Variants in KIF13A observed in about 807,000 individuals in gnomAD.
KIF13A encodes kinesin family member 13A.
Under a neutral mutation model 212.2 loss-of-function variants are expected in KIF13A, and 79 were observed. That is an observed-to-expected ratio of 0.37 (90% confidence interval 0.31 to 0.45). The LOEUF (loss-of-function observed/expected upper bound fraction) is 0.45. Among genes scored for constraint, KIF13A ranks in the 20% least tolerant of loss-of-function variants. The pLI is 1.00. For missense variants in KIF13A, 1,901 were observed against 2,209.0 expected, an observed-to-expected ratio of 0.86 and a Z score of 2.79; for synonymous variants, 789 against 808.6, an observed-to-expected ratio of 0.98 and a Z score of 0.41.
Position 17,839,834 on chromosome 6 carries a change from G to T in KIF13A, c.831-2251C>A, listed in dbSNP as rs1311854752. Among the ~76,000 whole-genome samples, 2 of 152,162 alleles carry T rather than the reference G, an allele frequency of 1.3e-5. No homozygotes were observed. Among genetic ancestry groups the T allele is most frequent in the Non-Finnish European group, 2.9e-5 (2 of 68,030 alleles). ...CCTACAGAAACAAGGGGAGAGGCAT[G>T]GAACAGATTCTCCCTCTGACCTGCT... On this transcript the variant is annotated intron_variant, in intron 9 of 38. Coordinates refer to ENST00000259711, the MANE Select transcript of KIF13A (RefSeq NM_022113.6). This position sits in a 1 kb window ranked among gnomAD's most constrained non-coding sequence, Gnocchi z 4.3.
At chr6:17,863,851 C>T (rs966276145) in intron 4 of KIF13A, among the ~76,000 whole-genome samples, 2 of 151,968 alleles carry the variant, frequency 1.3e-5, no homozygotes, top group African/African-American at 2.4e-5. Context: ...CACAACAGTC[C>T]CTTTTCTCAG....
At position 17,977,406 on chromosome 6, in the gene KIF13A, C is replaced by T. The variant is rs1780665093; in HGVS notation, c.146+9648G>A. 2.0e-5 allele frequency among the ~76,000 whole-genome samples: 3 copies of T among 152,298 alleles called. No individual in the cohort carries two copies. The South Asian group carries it at 6.2e-4, about 32-fold the overall frequency. Reference sequence around the variant, plus strand: ...TGCTGGCAATCATGAGAAGAAATGCCTTTCAACTAGTAAGCCAAGGGCACT... The same window carrying T: ...TGCTGGCAATCATGAGAAGAAATGCTTTTCAACTAGTAAGCCAAGGGCACT... On this transcript the variant is annotated intron_variant, in intron 2 of 38. Coordinates refer to ENST00000259711, the MANE Select transcript of KIF13A (RefSeq NM_022113.6).
At chr6:17,774,077 G>A (rs1759726201) in intron 35 of KIF13A, among the ~76,000 whole-genome samples, 1 of 152,194 alleles carries the variant, frequency 6.6e-6, no homozygotes, top group African/African-American at 2.4e-5. Flanking sequence ...GAGGCATAAA[G>A]TATTGGTATA....
At position 17,817,111 on chromosome 6, in the gene KIF13A, G is replaced by A. The variant is rs749059679; in HGVS notation, c.1909C>T (p.Pro637Ser). 1.2e-6 allele frequency: 2 copies of A among 1,614,002 alleles called. No individual in the cohort carries two copies. The highest frequency in any genetic ancestry group is 2.2e-5 in the East Asian group (1 of 44,880). Reference protein sequence around the residue: ...ELEQLRQQLSPDRQPQSSGPD... With the variant: ...ELEQLRQQLSSDRQPQSSGPD... ...CCGCTACTCTGTGGCTGCCTGTCGGGGGAGAGCTGCTGGCGGAGTTGCTCC... is the reference window on the plus strand; with the variant it reads ...CCGCTACTCTGTGGCTGCCTGTCGGAGGAGAGCTGCTGGCGGAGTTGCTCC... Residue 637 changes from proline (P) to serine (S), a missense_variant, in exon 17 of 39, where the codon CCC becomes TCC. Pro to Ser is a moderately conservative substitution (Grantham distance 74). This residue lies in a region of KIF13A where 534 missense variants were observed against 536.9 expected (regional missense o/e 0.99). Coordinates refer to ENST00000259711, the MANE Select transcript of KIF13A (RefSeq NM_022113.6).
chr6:17,951,485 A>G lies in KIF13A; in HGVS notation c.146+35569T>C, dbSNP rs1777842527. ...TAAGATATAATTTATATACCATACA[A>G]TTTACCCACTAAAAGTGTCCAATTC... On this transcript the variant is annotated intron_variant, in intron 2 of 38. Coordinates refer to ENST00000259711, the MANE Select transcript of KIF13A (RefSeq NM_022113.6). The surrounding 1 kb of genome is among the most constrained non-coding windows in gnomAD (Gnocchi z 4.9). The G allele has an allele frequency of 2.1e-6, 1 of 476,246 alleles. No homozygotes were observed. Among genetic ancestry groups the G allele is most frequent in the Non-Finnish European group, 3.8e-6 (1 of 266,522 alleles). The allele number at this position is 476,246 out of a possible 1,614,324, so 29.5% of individuals were successfully genotyped here.
intron 3 of KIF13A, among the ~76,000 whole-genome samples, chr6:17,885,256 G>A (rs1441571903): frequency 6.6e-6 from 1 of 152,172 alleles, no homozygotes; most frequent in East Asian, 1.9e-4. Context: ...CTGCCAGGAG[G>A]AACTCCAGCA....
chr6:17,826,146 T>TA lies in KIF13A; in HGVS notation c.1533-23dup. On this transcript the variant is annotated intron_variant, in intron 14 of 38. Transcript: ENST00000259711. This position sits in a 1 kb window ranked among gnomAD's most constrained non-coding sequence, Gnocchi z 4.7. ...GGACCTGGGAGAACACGAGGGAAAATACCAGGTAAATGGGAAGGAGCACAA... is the reference window on the plus strand; with the variant it reads ...GGACCTGGGAGAACACGAGGGAAAATAACCAGGTAAATGGGAAGGAGCACAA... 6.3e-7 allele frequency: 1 copy of TA among 1,595,398 alleles called. No homozygotes were observed. The highest frequency in any genetic ancestry group is 8.6e-7 in the Non-Finnish European group (1 of 1,163,748).
At position 17,980,140 on chromosome 6, in the gene KIF13A, G is replaced by C. The variant is rs572658955; in HGVS notation, c.146+6914C>G. 1.5e-4 allele frequency among the ~76,000 whole-genome samples: 23 copies of C among 152,098 alleles called. No homozygotes were observed. In the South Asian group the frequency reaches 4.6e-3, roughly 30 times the overall value. Reference sequence around the variant, plus strand: ...AAAAAACTTCTAACAGATTCCAGAGGGGAATAAACTAGGTCACGTCCAAAG... The same window carrying C: ...AAAAAACTTCTAACAGATTCCAGAGCGGAATAAACTAGGTCACGTCCAAAG... On this transcript the variant is annotated intron_variant, in intron 2 of 38. Coordinates refer to ENST00000259711, the MANE Select transcript of KIF13A (RefSeq NM_022113.6).
Position 17,785,717 on chromosome 6 carries a change from A to G in KIF13A, c.3362-76T>C, listed in dbSNP as rs4716186. ...TCTCAGTTTACAAGGAATAGATTTC[A>G]GCCTGGGCAACATAGTGAGACCCCA... is the stretch of plus-strand genomic sequence containing the variant. On this transcript the variant is annotated intron_variant, in intron 27 of 38. Transcript: ENST00000259711. The surrounding 1 kb of genome is among the most constrained non-coding windows in gnomAD (Gnocchi z 5.8). 1 allele frequency: 1,515,449 copies of G among 1,520,300 alleles called. 755,424 individuals are homozygous for G. Among genetic ancestry groups the G allele is most frequent in the East Asian group, 1 (40,928 of 40,930 alleles). The allele number at this position is 1,520,300 out of a possible 1,614,324, so 94.2% of individuals were successfully genotyped here. A position where few individuals can be genotyped will look rare whatever the true frequency, so the allele number is the denominator to read the frequency against.
chr6:17,949,583 C>T (rs1561794303), intron 2 of KIF13A, among the ~76,000 whole-genome samples: 1 of 152,068 alleles, frequency 6.6e-6, no homozygotes, highest in Non-Finnish European at 1.5e-5. Context: ...TACTTCTAAA[C>T]AACATCACAA....
In KIF13A at chr6:17,862,640, C is replaced by T. The variant is rs1037553399; in HGVS notation, c.221-6518G>A. The stretch of plus-strand genomic sequence containing the variant: ...CAAAATAGTGAGACCCCTATCTCTA[C>T]AAAAAATAAAAAATTAGCCAGGTAT... On this transcript the variant is annotated intron_variant, in intron 4 of 38. Coordinates refer to ENST00000259711, the MANE Select transcript of KIF13A (RefSeq NM_022113.6). 2.0e-5 allele frequency among the ~76,000 whole-genome samples: 3 copies of T among 151,812 alleles called. No homozygotes were observed. The East Asian group carries it at 5.8e-4, about 29-fold the overall frequency.
intron 31 of KIF13A, 125 bp from the exon 32 acceptor site, chr6:17,779,809 G>T: frequency 2.2e-6 from 1 of 460,286 alleles, no homozygotes; most frequent in South Asian, 1.9e-5. Flanking sequence ...GCGCGATCTC[G>T]GCTCACTGCA....
intron 18 of KIF13A, among the ~76,000 whole-genome samples, chr6:17,807,986 T>C (rs1433955816): frequency 3.9e-5 from 6 of 152,224 alleles, no homozygotes; most frequent in Non-Finnish European, 8.8e-5. Flanking sequence ...GAAAAATTCT[T>C]CAAGGTGAAA....
intron 18 of KIF13A, 144 bp downstream of exon 18, chr6:17,808,624 T>A (rs1362182043): frequency 1.4e-6 from 1 of 691,834 alleles, no homozygotes; most frequent in Non-Finnish European, 2.3e-6. Flanking sequence ...CAATGAGGTA[T>A]ATAAAGAATG....
intron 2 of KIF13A, among the ~76,000 whole-genome samples, chr6:17,975,397 G>A (rs758048179): frequency 1.3e-5 from 2 of 152,076 alleles, no homozygotes; most frequent in South Asian, 2.1e-4. Context: ...TTAAGTTGGC[G>A]CGTCTGGAGT....
intron 2 of KIF13A, among the ~76,000 whole-genome samples, chr6:17,924,941 T>C (rs1165490111): frequency 6.6e-6 from 1 of 152,180 alleles, no homozygotes; most frequent in Non-Finnish European, 1.5e-5. Flanking sequence ...CCACACCATA[T>C]GATGGGCAAT....
chr6:17,761,500 C>T (rs1245969976), downstream of KIF13A, among the ~76,000 whole-genome samples: 1 of 152,140 alleles, frequency 6.6e-6, no homozygotes, highest in African/African-American at 2.4e-5. Flanking sequence ...TCTCCTGCCT[C>T]AGCCTCCCGA....
chr6:17,829,273 T>G lies in KIF13A; in HGVS notation c.1402-903A>C, dbSNP rs1765228057. On this transcript the variant is annotated intron_variant, in intron 13 of 38. Coordinates refer to ENST00000259711, the MANE Select transcript of KIF13A (RefSeq NM_022113.6). This position sits in a 1 kb window ranked among gnomAD's most constrained non-coding sequence, Gnocchi z 5.4. Reference sequence around the variant, plus strand: ...ACTACAAACATAAACATACAACCCTTAGCCCTCAGGGCTATAATATCATTA... The same window carrying G: ...ACTACAAACATAAACATACAACCCTGAGCCCTCAGGGCTATAATATCATTA... Among the ~76,000 whole-genome samples, 1 of 152,190 alleles carries G rather than the reference T, an allele frequency of 6.6e-6. No individual in the cohort carries two copies. Among genetic ancestry groups the G allele is most frequent in the Non-Finnish European group, 1.5e-5 (1 of 68,028 alleles).
chr6:17,848,122 T>C (rs2150395792), intron 9 of KIF13A, among the ~76,000 whole-genome samples: 1 of 152,300 alleles, frequency 6.6e-6, no homozygotes, highest in South Asian at 2.1e-4. Flanking sequence ...TGCTTTTATT[T>C]TTAGTTGACA....
Sources: allele counts gnomAD v4.1 joint callset (sites outside exome capture counted in the v4.1 genomes callset), GRCh38; gene constraint gnomAD v4.1.1; regional missense constraint gnomAD v4.1.1; non-coding constraint Gnocchi (gnomAD v3.1); transcripts MANE v1.5; gene names NCBI Gene and HGNC (gene_info 2026-07-23, HGNC 2026-07-21).